The following SHOC2 variants were observed in gnomAD, a reference collection of about 807,000 sequenced individuals.
SHOC2 encodes SHOC2 leucine rich repeat scaffold protein.
In SHOC2, 4 loss-of-function variants were observed where a neutral mutation model predicts 50.2. That is an observed-to-expected ratio of 0.08 (90% CI 0.04 to 0.18). The LOEUF (loss-of-function observed/expected upper bound fraction) is 0.18. Ranked by LOEUF, SHOC2 falls within the 10% of genes least tolerant of loss-of-function variation. SHOC2 has a pLI of 1.00. For synonymous variants in SHOC2, 218 were observed against 244.5 expected, an observed-to-expected ratio of 0.89 and a Z score of 1.01; for missense variants, 388 against 669.6, an observed-to-expected ratio of 0.58 and a Z score of 4.64.
intron 3 of SHOC2, among the ~76,000 whole-genome samples, chr10:110,988,231 T>C (rs1160175963): frequency 6.6e-6 from 1 of 152,178 alleles, no homozygotes; most frequent in Non-Finnish European, 1.5e-5. Context: ...AGGGTAATGC[T>C]GGCTACGTAT....
At chr10:110,937,614 A>G (rs1847053823) in intron 1 of SHOC2, among the ~76,000 whole-genome samples, 1 of 152,230 alleles carries the variant, frequency 6.6e-6, no homozygotes, top group South Asian at 2.1e-4. Context: ...ACCATCTTTC[A>G]AATTAGAAAT....
intron 2 of SHOC2, among the ~76,000 whole-genome samples, chr10:110,976,447 G>T (rs1847880162): frequency 6.6e-6 from 1 of 151,712 alleles, no homozygotes; most frequent in Non-Finnish European, 1.5e-5. Context: ...GAGTCGCTGG[G>T]ACTACAGGTG....
At chr10:110,996,722 T>C (rs973374199) in intron 3 of SHOC2, among the ~76,000 whole-genome samples, 4 of 152,228 alleles carry the variant, frequency 2.6e-5, no homozygotes, top group Non-Finnish European at 5.9e-5. Flanking sequence ...ACCTACCTTT[T>C]TAATGTTTCT....
At chr10:110,923,773 A>G (rs1846701664) in intron 1 of SHOC2, among the ~76,000 whole-genome samples, 3 of 152,184 alleles carry the variant, frequency 2.0e-5, no homozygotes, top group South Asian at 4.1e-4. Flanking sequence ...TGAACCTGAC[A>G]TATTTTTATA....
At chr10:111,007,677 G>A in intron 6 of SHOC2, 24 bp downstream of exon 6, 1 of 1,611,470 alleles carries the variant, frequency 6.2e-7, no homozygotes, top group Non-Finnish European at 8.5e-7. Flanking sequence ...AGCAATTAGA[G>A]AACTTCAGAA....
At chr10:110,954,596 CCTTAT>C (rs746990618) in intron 1 of SHOC2, among the ~76,000 whole-genome samples, 5 of 152,082 alleles carry the variant, frequency 3.3e-5, no homozygotes, top group Non-Finnish European at 7.4e-5. Context: ...AGACAAGGTC[CCTTAT>C]CTTATGGAAG....
At chr10:111,005,749 A>G (rs1385782461) in intron 5 of SHOC2, among the ~76,000 whole-genome samples, 4 of 152,212 alleles carry the variant, frequency 2.6e-5, no homozygotes, top group Non-Finnish European at 5.9e-5. Flanking sequence ...AAGTTCAGTG[A>G]TTTAATTTGT....
intron 1 of SHOC2, among the ~76,000 whole-genome samples, chr10:110,952,758 C>T (rs556698250): frequency 3.9e-5 from 6 of 152,214 alleles, no homozygotes; most frequent in South Asian, 4.2e-4. Context: ...TGTTCCCCTC[C>T]GTGTCCATGG....
chr10:110,959,231 AT>A (rs1391220828), intron 1 of SHOC2, among the ~76,000 whole-genome samples: 1 of 152,222 alleles, frequency 6.6e-6, no homozygotes, highest in Non-Finnish European at 1.5e-5. Flanking sequence ...GACGTGTTAT[AT>A]TTTTGACTCG....
chr10:111,010,977 C>G (rs1257484826), intron 8 of SHOC2, among the ~76,000 whole-genome samples: 2 of 152,068 alleles, frequency 1.3e-5, no homozygotes, highest in Admixed American at 6.6e-5. Context: ...AAATTTACAC[C>G]TATATTTCTA....
Position 110,986,483 on chromosome 10 carries a change from A to T in SHOC2, c.841+718A>T, listed in dbSNP as rs1012878609. 2.0e-5 allele frequency among the ~76,000 whole-genome samples: 3 copies of T among 151,556 alleles called. No homozygotes were observed. In the South Asian group the frequency reaches 6.2e-4, roughly 32 times the overall value. On this transcript the variant is annotated intron_variant, in intron 3 of 8. Coordinates refer to ENST00000369452, the MANE Select transcript of SHOC2 (RefSeq NM_007373.4). ...TTAGTATTTTAATTTTTTAATTTTT[A>T]TTTTTTTTGAGACAGAGTTTCACTC... is the stretch of plus-strand genomic sequence containing the variant.
chr10:110,948,634 A>T (rs561146852), intron 1 of SHOC2, among the ~76,000 whole-genome samples: 1 of 152,354 alleles, frequency 6.6e-6, no homozygotes, highest in South Asian at 2.1e-4. Context: ...CTGAACAACC[A>T]GTGGATCAAA....
At chr10:110,963,852 G>A (rs774908195) in intron 1 of SHOC2, among the ~76,000 whole-genome samples, 54 of 152,110 alleles carry the variant, frequency 3.6e-4, no homozygotes, top group Non-Finnish European at 6.6e-4. Context: ...TAAGCTTATT[G>A]TTGTGGTTTC....
chr10:111,012,166 A>C lies in SHOC2; in HGVS notation c.*348A>C, dbSNP rs989120443. 1 of 232,250 alleles carries C rather than the reference A, an allele frequency of 4.3e-6. No individual in the cohort carries two copies. Among genetic ancestry groups the C allele is most frequent in the Non-Finnish European group, 8.5e-6 (1 of 117,622 alleles). The allele number at this position is 232,250 out of a possible 1,614,324, so 14.4% of individuals were successfully genotyped here. A position where few individuals can be genotyped will look rare whatever the true frequency, so the allele number is the denominator to read the frequency against. On this transcript the variant is annotated 3_prime_UTR_variant, in exon 9 of 9. Coordinates refer to ENST00000369452, the MANE Select transcript of SHOC2 (RefSeq NM_007373.4). ...CTCTTAGGAAAAATAATGGGCAAAA[A>C]TTTTTGTTGCAACTTTTCATATATA...
rs151003571 is a variant in SHOC2 at position 111,011,772 on chromosome 10, T to C, written c.1703T>C (p.Ile568Thr). 2.5e-6 allele frequency: 4 copies of C among 1,614,024 alleles called. No individual in the cohort carries two copies. Among genetic ancestry groups the C allele is most frequent in the Non-Finnish European group, 3.4e-6 (4 of 1,179,948 alleles). The change falls in exon 9 of 9, where the codon ATC (isoleucine) becomes ACC (threonine). Residue 568 changes from isoleucine to threonine, a missense_variant. Around this residue, in one of 5 missense-constraint regions of SHOC2, gnomAD observed 130 missense variants for 208.6 expected, o/e 0.62. Transcript: ENST00000369452. ...PQIVAGGPSFIIQFLKMQGPY... is the reference protein window; with the variant it reads ...PQIVAGGPSFTIQFLKMQGPY... ...ATTGTTGCTGGGGGGCCTTCTTTCATCATTCAGTTCTTAAAGATGCAGGGT... is the reference window on the plus strand; with the variant it reads ...ATTGTTGCTGGGGGGCCTTCTTTCACCATTCAGTTCTTAAAGATGCAGGGT...
rs1381500409 is a variant in SHOC2, at chr10:110,964,517, AAAG to A, written c.163_165del (p.Lys55del). The stretch of plus-strand genomic sequence containing the variant: ...CCAAAGGGAAAGATGCCAAAGATGG[AAAG>A]AAGGACTCCAGTGCTGCCCAACCAG... On this transcript the variant is annotated inframe_deletion, in exon 2 of 9. Transcript: ENST00000369452. This position sits in a 1 kb window ranked among gnomAD's most constrained non-coding sequence, Gnocchi z 4.9. 2 of 1,614,090 alleles carry A rather than the reference AAAG, an allele frequency of 1.2e-6. No homozygotes were observed. The highest frequency in any genetic ancestry group is 8.5e-7 in the Non-Finnish European group (1 of 1,179,988).
chr10:110,965,624 G>C (rs575631836), intron 2 of SHOC2, among the ~76,000 whole-genome samples: 1 of 152,110 alleles, frequency 6.6e-6, no homozygotes, highest in South Asian at 2.1e-4. Context: ...AATTTAGAAG[G>C]GTAGAAGAAA....
chr10:110,919,627 G>A lies in SHOC2; in HGVS notation c.-265G>A, dbSNP rs145888630. 3 of 399,052 alleles carry A rather than the reference G, an allele frequency of 7.5e-6. No homozygotes were observed. The highest frequency in any genetic ancestry group is 1.3e-5 in the Non-Finnish European group (3 of 226,554). The allele number at this position is 399,052 out of a possible 1,614,324, so 24.7% of individuals were successfully genotyped here. On this transcript the variant is annotated 5_prime_UTR_variant, in exon 1 of 9. Coordinates refer to ENST00000369452, the MANE Select transcript of SHOC2 (RefSeq NM_007373.4). Reference sequence around the variant, plus strand: ...AGGAAGAGGAGGAAGGAGGGCGAGCGAGGAGGATGGCGGAGTCGGGGCTCC... The same window carrying A: ...AGGAAGAGGAGGAAGGAGGGCGAGCAAGGAGGATGGCGGAGTCGGGGCTCC...
intron 5 of SHOC2, among the ~76,000 whole-genome samples, chr10:111,006,621 C>T (rs953373332): frequency 1.6e-4 from 24 of 152,160 alleles, no homozygotes; most frequent in Admixed American, 3.3e-4. Context: ...CCGCCCGCCT[C>T]GGCCTCCCAA....
Sources: gnomAD v4.1 joint callset for allele counts (sites outside exome capture counted in the v4.1 genomes callset) on GRCh38, gnomAD v4.1.1 for gene constraint, gnomAD v4.1.1 regional missense constraint, Gnocchi (gnomAD v3.1) non-coding constraint, MANE v1.5 for transcripts, NCBI Gene and HGNC (gene_info 2026-07-23, HGNC 2026-07-21) for gene names.